Variants in DNAH14 observed in about 807,000 individuals in gnomAD.
DNAH14 encodes axonemal beta dynein heavy chain 14.
Under a neutral mutation model 520.9 loss-of-function variants are expected in DNAH14, and 478 were observed. The ratio of observed to expected loss-of-function variants is 0.92; its 90% confidence interval spans 0.85 to 0.99. The LOEUF (loss-of-function observed/expected upper bound fraction) is 0.99. Among genes scored for constraint, DNAH14 ranks in the 50% least tolerant of loss-of-function variants. The pLI is 0.00. For missense variants in DNAH14, 4,831 were observed against 5,234.5 expected (o/e 0.92, Z 2.38); for synonymous variants, 1,581 against 1,757.2 (o/e 0.90, Z 2.51).
intron 55 of DNAH14, among the ~76,000 whole-genome samples, chr1:225,299,191 C>T (rs1259691940): frequency 6.6e-6 from 1 of 152,076 alleles, no homozygotes; most frequent in African/African-American, 2.4e-5. Context: ...TAATCACTCA[C>T]TTTTTTTTGT....
chr1:225,144,546 A>G lies in DNAH14; in HGVS notation c.4658A>G (p.Glu1553Gly). Residue 1553 changes from glutamate (E) to glycine (G), a missense_variant, in exon 29 of 86, where the codon GAA becomes GGA. Coordinates refer to ENST00000682510, the MANE Select transcript of DNAH14 (RefSeq NM_001367479.1). ...LTDRCWLTLM[E>G]ALHLNLGGCP... is the part of the protein sequence containing the mutation. ...GACCGATGCTGGCTGACTCTCATGG[A>G]AGCACTACACTTGAATCTAGGAGGC... The G allele has an allele frequency of 1.3e-6, 2 of 1,551,558 alleles. No homozygotes were observed. Among genetic ancestry groups the G allele is most frequent in the Non-Finnish European group, 1.7e-6 (2 of 1,146,954 alleles).
intron 8 of DNAH14, among the ~76,000 whole-genome samples, chr1:224,992,267 A>G (rs763610074): frequency 1.3e-5 from 2 of 152,190 alleles, no homozygotes; most frequent in African/African-American, 2.4e-5. Flanking sequence ...AAAAATTTCC[A>G]TAAAAATAAC....
At chr1:225,223,104 C>G (rs1239998349) in intron 41 of DNAH14, among the ~76,000 whole-genome samples, 1 of 152,108 alleles carries the variant, frequency 6.6e-6, no homozygotes, top group East Asian at 1.9e-4. Flanking sequence ...TTGCCTGAGC[C>G]CCCTCCTCCT....
At chr1:225,005,744 TG>T (rs916439011) in intron 9 of DNAH14, among the ~76,000 whole-genome samples, 18 of 152,072 alleles carry the variant, frequency 1.2e-4, no homozygotes, top group African/African-American at 4.3e-4. Context: ...TTAATGAAAA[TG>T]TATTTTGTTA....
At chr1:225,132,638 T>C (rs2078545708) in intron 27 of DNAH14, among the ~76,000 whole-genome samples, 1 of 152,230 alleles carries the variant, frequency 6.6e-6, no homozygotes, top group African/African-American at 2.4e-5. Flanking sequence ...TTTTTGTTGA[T>C]TCCATGTCTT....
intron 41 of DNAH14, among the ~76,000 whole-genome samples, chr1:225,214,031 A>G (rs1408607139): frequency 1.3e-5 from 2 of 152,102 alleles, no homozygotes; most frequent in African/African-American, 2.4e-5. Flanking sequence ...TGAGTATGAT[A>G]TTGGCTATGG....
intron 1 of DNAH14, among the ~76,000 whole-genome samples, chr1:224,940,726 G>A (rs917228946): frequency 6.8e-6 from 1 of 147,724 alleles, no homozygotes; most frequent in African/African-American, 2.5e-5. Flanking sequence ...CTGTGTCCAT[G>A]TGTTCTCATT....
At chr1:225,011,880 C>T (rs1170152936) in intron 10 of DNAH14, among the ~76,000 whole-genome samples, 4 of 149,428 alleles carry the variant, frequency 2.7e-5, no homozygotes, top group African/African-American at 9.9e-5. Context: ...ATACAGCACA[C>T]CGATGGATCT....
Position 224,967,426 on chromosome 1 carries a change from C to A in DNAH14, c.499-5C>A, listed in dbSNP as rs779231996. Reference sequence around the variant, plus strand: ...ATTTGTTTATTATTTTTTTTTTAATCTCAGAAACCTTTGGAAGATGATGGA... The same window carrying A: ...ATTTGTTTATTATTTTTTTTTTAATATCAGAAACCTTTGGAAGATGATGGA... On this transcript the variant is annotated splice_polypyrimidine_tract_variant and splice_region_variant and intron_variant, in intron 5 of 85. Coordinates refer to ENST00000682510, the MANE Select transcript of DNAH14 (RefSeq NM_001367479.1). The A allele has an allele frequency of 6.0e-6, 9 of 1,496,246 alleles. No homozygotes were observed. The highest frequency in any genetic ancestry group is 2.5e-5 in the East Asian group (1 of 39,920). 92.7% of individuals were successfully genotyped at this position (1,496,246 alleles called of 1,614,324 possible).
intron 75 of DNAH14, among the ~76,000 whole-genome samples, chr1:225,363,908 C>A (rs1486151425): frequency 6.6e-6 from 1 of 152,156 alleles, no homozygotes; most frequent in Non-Finnish European, 1.5e-5. Flanking sequence ...TACGAGTCAG[C>A]AATACCTTAA....
In DNAH14 at chr1:225,252,371, A is replaced by G. The variant is rs2092586604; in HGVS notation, c.6819A>G (p.Ile2273Met). The change falls in exon 44 of 86, where the codon ATA becomes ATG. Residue 2273 changes from isoleucine (I) to methionine (M), a missense_variant. Transcript: ENST00000682510. ...YFVDIEQCEF[I>M]PWSDLVPNDQ... is the part of the protein sequence containing the mutation. ...TGGATATAGAGCAATGTGAATTCAT[A>G]CCTTGGTCAGATTTAGTTCCTAATG... The G allele has an allele frequency of 6.5e-7, 1 of 1,549,196 alleles. No individual in the cohort carries two copies. Among genetic ancestry groups the G allele is most frequent in the Non-Finnish European group, 8.7e-7 (1 of 1,145,384 alleles).
chr1:225,380,119 C>T (rs1437163414), intron 79 of DNAH14, 40 bp from the exon 80 acceptor site: 1 of 1,527,778 alleles, frequency 6.5e-7, no homozygotes, highest in East Asian at 2.5e-5. Context: ...CTCCCCACTT[C>T]CTGTTCTGTG....
intron 4 of DNAH14, among the ~76,000 whole-genome samples, chr1:224,963,396 A>G (rs1260974506): frequency 6.6e-6 from 1 of 152,006 alleles, no homozygotes; most frequent in African/African-American, 2.4e-5. Flanking sequence ...GTATTTCTAT[A>G]ATTTGTTTTT....
At chr1:224,991,261 ATTTTTTT>A (rs60395237) in intron 8 of DNAH14, among the ~76,000 whole-genome samples, 1 of 134,934 alleles carries the variant, frequency 7.4e-6, no homozygotes, top group Non-Finnish European at 1.6e-5. Context: ...TGCCCAGCTA[ATTTTTTT>A]TTTTTTTTTT....
Position 225,257,967 on chromosome 1 carries a change from A to T in DNAH14, c.6873A>T (p.Ser2291=), listed in dbSNP as rs1376151086. The change falls in exon 45 of 86, where the codon TCA becomes TCT. Residue 2291 remains serine, a synonymous_variant. Transcript: ENST00000682510. ...NDQTLIQRGT[S]LLTNLQRSGG... ...TTTAAAATGTTAACTTAGGAACTTC[A>T]TTACTAACTAATCTTCAAAGATCTG... 1 of 1,548,118 alleles carries T rather than the reference A, an allele frequency of 6.5e-7. No homozygotes were observed. The highest frequency in any genetic ancestry group is 8.7e-7 in the Non-Finnish European group (1 of 1,145,596).
At chr1:225,214,663 C>T (rs1419485198) in intron 41 of DNAH14, among the ~76,000 whole-genome samples, 1 of 152,164 alleles carries the variant, frequency 6.6e-6, no homozygotes, top group Non-Finnish European at 1.5e-5. Flanking sequence ...GGAATTTATT[C>T]ATTTCTTCTA....
At position 225,266,662 on chromosome 1, in the gene DNAH14, A is replaced by C; in HGVS notation, c.7432A>C (p.Met2478Leu). 1 of 1,499,972 alleles carries C rather than the reference A, an allele frequency of 6.7e-7. No homozygotes were observed. The highest frequency in any genetic ancestry group is 8.8e-7 in the Non-Finnish European group (1 of 1,130,394). The allele number at this position is 1,499,972 out of a possible 1,614,324, so 92.9% of individuals were successfully genotyped here. A position where few individuals can be genotyped will look rare whatever the true frequency, so the allele number is the denominator to read the frequency against. ...TAAGATTCTAATATTTATTGATGAT[A>C]TGAATATGCCAGTATCAGATATGTA... ...NNRILIFIDD[M>L]NMPVSDMYGA... Residue 2478 changes from methionine to leucine, a missense_variant, in exon 49 of 86, where the codon ATG (methionine) becomes CTG (leucine). Physicochemically the swap from Met to Leu is conservative, Grantham distance 15. Coordinates refer to ENST00000682510, the MANE Select transcript of DNAH14 (RefSeq NM_001367479.1).
intron 15 of DNAH14, among the ~76,000 whole-genome samples, chr1:225,048,756 A>G (rs1382648484): frequency 6.6e-6 from 1 of 152,094 alleles, no homozygotes; most frequent in Non-Finnish European, 1.5e-5. Flanking sequence ...TATGGTAGTA[A>G]TATATTTAAC....
intron 17 of DNAH14, among the ~76,000 whole-genome samples, chr1:225,069,870 G>A (rs1379700539): frequency 2.0e-5 from 3 of 152,106 alleles, no homozygotes; most frequent in African/African-American, 7.2e-5. Context: ...CTTAATTACT[G>A]CCTCAATTTT....
Sources: gnomAD v4.1 joint callset for allele counts (sites outside exome capture counted in the v4.1 genomes callset) on GRCh38, gnomAD v4.1.1 for gene constraint, MANE v1.5 for transcripts, NCBI Gene and HGNC (gene_info 2026-07-23, HGNC 2026-07-21) for gene names.